COL23A1: variants seen among roughly 807,000 people sequenced by gnomAD.
COL23A1 encodes the protein collagen type XXIII alpha 1 chain.
Under a neutral mutation model 99.3 loss-of-function variants are expected in COL23A1, and 97 were observed. The observed-to-expected ratio is 0.98, with a 90% confidence interval of 0.83 to 1.16. The LOEUF (loss-of-function observed/expected upper bound fraction) is 1.16. Ranked by LOEUF, COL23A1 falls within the 50% of genes most tolerant of loss-of-function variation. The pLI is 0.00. For synonymous variants in COL23A1, 320 were observed against 308.2 expected (o/e 1.04, Z -0.40); for missense variants, 762 against 757.4 (o/e 1.01, Z -0.07).
rs561308790 is a variant in COL23A1 at position 178,428,369 on chromosome 5, G to A, written c.362-121450C>T. On this transcript the variant is annotated intron_variant, in intron 2 of 28. Transcript: ENST00000390654. This position sits in a 1 kb window ranked among gnomAD's most constrained non-coding sequence, Gnocchi z 5.0. ...GGACCATGGAGCCAGCTCTTTGCAC[G>A]AGGAGGAGCCTTCCTGGATCAAAAC... 6.6e-5 allele frequency among the ~76,000 whole-genome samples: 10 copies of A among 152,216 alleles called. No homozygotes were observed. Among genetic ancestry groups the A allele is most frequent in the African/African-American group, 1.9e-4 (8 of 41,456 alleles).
intron 2 of COL23A1, among the ~76,000 whole-genome samples, chr5:178,383,699 A>C (rs1309526653): frequency 6.6e-6 from 1 of 152,100 alleles, no homozygotes; most frequent in Non-Finnish European, 1.5e-5. Flanking sequence ...CCAAGTCTGC[A>C]TGCACAATCA....
intron 2 of COL23A1, among the ~76,000 whole-genome samples, chr5:178,361,910 C>T (rs746941608): frequency 1.3e-5 from 2 of 152,172 alleles, no homozygotes; most frequent in Non-Finnish European, 2.9e-5. Flanking sequence ...AGGGATTTTC[C>T]ACCATCTCAC....
In COL23A1 at chr5:178,239,077, C is replaced by G; in HGVS notation, c.1620+64G>C. The G allele has an allele frequency of 5.1e-6, 8 of 1,573,368 alleles. No individual in the cohort carries two copies. In the South Asian group the frequency reaches 5.5e-5, roughly 11 times the overall value. ...GTGACAGCACCCAGGCTCTGGGGCC[C>G]TCCCATTCCCCCACCCTCCCCTGCC... On this transcript the variant is annotated intron_variant, in intron 28 of 28. Coordinates refer to ENST00000390654, the MANE Select transcript of COL23A1 (RefSeq NM_173465.4).
intron 1 of COL23A1, among the ~76,000 whole-genome samples, chr5:178,580,276 C>G (rs962865312): frequency 4.0e-5 from 6 of 151,014 alleles, no homozygotes; most frequent in African/African-American, 1.2e-4. Context: ...TGCAGTGAGC[C>G]GAGATCGTGC....
chr5:178,248,124 G>T, intron 20 of COL23A1, 68 bp downstream of exon 20: 1 of 1,211,390 alleles, frequency 8.3e-7, no homozygotes, highest in Non-Finnish European at 1.2e-6. Flanking sequence ...TTTGTCCCAA[G>T]GCTCAGGGTC....
At chr5:178,562,018 G>A (rs1420783116) in intron 1 of COL23A1, 1 of 510,156 alleles carries the variant, frequency 2.0e-6, no homozygotes, top group Non-Finnish European at 3.8e-6. Context: ...TAAAACAGAA[G>A]AAGTTACCAC....
chr5:178,529,441 C>T (rs1324509943), intron 2 of COL23A1, among the ~76,000 whole-genome samples: 1 of 151,662 alleles, frequency 6.6e-6, no homozygotes, highest in Non-Finnish European at 1.5e-5. Flanking sequence ...CCAAGTGCAA[C>T]TGTGTAACAC....
intron 2 of COL23A1, among the ~76,000 whole-genome samples, chr5:178,398,851 G>T (rs982206092): frequency 1.3e-5 from 2 of 152,238 alleles, no homozygotes; most frequent in Non-Finnish European, 2.9e-5. Flanking sequence ...TCGTTAGGCT[G>T]TGAGTGCTCA....
intron 2 of COL23A1, among the ~76,000 whole-genome samples, chr5:178,441,273 C>T (rs1366524629): frequency 6.6e-6 from 1 of 152,202 alleles, no homozygotes; most frequent in African/African-American, 2.4e-5. Context: ...GGCAGCAAAG[C>T]TCTGCAAGAA....
rs529846601 is a variant in COL23A1, at chr5:178,358,765, ATG to A, written c.362-51848_362-51847del. ...TCTGTGTGTGTATCTGTGTGTGTGT[ATG>A]TGTGTGTATGTGTATGTGTGTAAAC... On this transcript the variant is annotated intron_variant, in intron 2 of 28. Coordinates refer to ENST00000390654, the MANE Select transcript of COL23A1 (RefSeq NM_173465.4). Among the ~76,000 whole-genome samples, 615 of 144,010 alleles carry A rather than the reference ATG, an allele frequency of 4.3e-3. 4 individuals are homozygous for A. The highest frequency in any genetic ancestry group is 0.013 in the African/African-American group (493 of 37,946). The allele number at this position is 144,010 out of a possible 152,430, so 94.5% of individuals were successfully genotyped here.
Position 178,242,325 on chromosome 5 carries a change from G to T in COL23A1, c.1494+16C>A. ...CCCCTCTCCTCCTGCCCCAGCTCCCGTCCAGCTGCCCTCACCTTCTCTCCA... is the reference window on the plus strand; with the variant it reads ...CCCCTCTCCTCCTGCCCCAGCTCCCTTCCAGCTGCCCTCACCTTCTCTCCA... On this transcript the variant is annotated intron_variant, in intron 26 of 28. Coordinates refer to ENST00000390654, the MANE Select transcript of COL23A1 (RefSeq NM_173465.4). The T allele has an allele frequency of 6.2e-7, 1 of 1,612,934 alleles. No individual in the cohort carries two copies.
intron 2 of COL23A1, among the ~76,000 whole-genome samples, chr5:178,452,106 C>T (rs1174492008): frequency 7.2e-5 from 11 of 151,960 alleles, no homozygotes; most frequent in Non-Finnish European, 1.6e-4. Flanking sequence ...TCAGATACCA[C>T]GATGTATTAT....
intron 2 of COL23A1, among the ~76,000 whole-genome samples, chr5:178,458,013 G>T (rs1444123685): frequency 6.6e-6 from 1 of 152,176 alleles, no homozygotes; most frequent in Non-Finnish European, 1.5e-5. Context: ...TAAAAGAACA[G>T]ATAAGGTCAG....
intron 2 of COL23A1, among the ~76,000 whole-genome samples, chr5:178,372,012 T>C (rs557291572): frequency 6.6e-6 from 1 of 152,358 alleles, no homozygotes; most frequent in African/African-American, 2.4e-5. Context: ...GGCTGCACAG[T>C]GACAGCCGTG....
rs1042724734 is a variant in COL23A1, at chr5:178,310,804, T to G, written c.362-3885A>C. 2.0e-4 allele frequency among the ~76,000 whole-genome samples: 31 copies of G among 152,108 alleles called. No individual in the cohort carries two copies. The highest frequency in any genetic ancestry group is 1.9e-3 in the Admixed American group (29 of 15,282). ...TGGCTCCAACAAGCAAAACCAGGCCTTTGGCCAGGTGGTTGGCCTCAGAGT... is the reference window on the plus strand; with the variant it reads ...TGGCTCCAACAAGCAAAACCAGGCCGTTGGCCAGGTGGTTGGCCTCAGAGT... On this transcript the variant is annotated intron_variant, in intron 2 of 28. Transcript: ENST00000390654. This position sits in a 1 kb window ranked among gnomAD's most constrained non-coding sequence, Gnocchi z 4.3.
At chr5:178,252,439 G>A in intron 17 of COL23A1, 105 bp downstream of exon 17, 6 of 1,107,822 alleles carry the variant, frequency 5.4e-6, no homozygotes, top group South Asian at 1.6e-5. Flanking sequence ...AGCCAGGCCA[G>A]GACACCCGGA....
intron 2 of COL23A1, among the ~76,000 whole-genome samples, chr5:178,523,163 C>CATATATATATATATATATATACATATAT (rs70997608): frequency 1.0e-5 from 1 of 95,548 alleles, no homozygotes; most frequent in Non-Finnish European, 2.0e-5. Context: ...TATATATATA[C>CATATATATATATATATATATACATATAT]ATATATATAT....
chr5:178,315,450 G>T (rs1209738214), intron 2 of COL23A1, among the ~76,000 whole-genome samples: 2 of 152,164 alleles, frequency 1.3e-5, no homozygotes, highest in African/African-American at 4.8e-5. Flanking sequence ...TAAAAACCCT[G>T]AGGCCCACAG....
At chr5:178,502,411 G>T (rs995404200) in intron 2 of COL23A1, among the ~76,000 whole-genome samples, 7 of 152,226 alleles carry the variant, frequency 4.6e-5, no homozygotes, top group African/African-American at 1.4e-4. Flanking sequence ...GATTACAGGC[G>T]TGAGCCACTG....
Sources: allele counts gnomAD v4.1 joint callset (sites outside exome capture counted in the v4.1 genomes callset), GRCh38; gene constraint gnomAD v4.1.1; non-coding constraint Gnocchi (gnomAD v3.1); transcripts MANE v1.5; gene names NCBI Gene and HGNC (gene_info 2026-07-23, HGNC 2026-07-21).